KIFAP3: variants seen among roughly 807,000 people sequenced by gnomAD.
KIFAP3 encodes the protein kinesin-associated protein 3.
In KIFAP3, 68 loss-of-function variants were observed where a neutral mutation model predicts 106.5. The ratio of observed to expected loss-of-function variants is 0.64; its 90% CI spans 0.53 to 0.78. The LOEUF (loss-of-function observed/expected upper bound fraction) is 0.78, where lower values mean the gene tolerates loss of function less well. Among genes scored for constraint, KIFAP3 ranks in the 30% least tolerant of loss-of-function variants. KIFAP3 has a pLI of 0.00. For synonymous variants in KIFAP3, 320 were observed against 311.5 expected, an observed-to-expected ratio of 1.03 and a Z score of -0.29; for missense variants, 780 against 941.8, an observed-to-expected ratio of 0.83 and a Z score of 2.25.
intron 19 of KIFAP3, among the ~76,000 whole-genome samples, chr1:169,947,759 T>C (rs1664515526): frequency 6.6e-6 from 1 of 151,782 alleles, no homozygotes. Context: ...TTTTATGCTA[T>C]CAAAACATCA....
chr1:170,006,864 T>A (rs114600184), intron 10 of KIFAP3, among the ~76,000 whole-genome samples: 1 of 152,118 alleles, frequency 6.6e-6, no homozygotes, highest in African/African-American at 2.4e-5. Context: ...GACATCCGTA[T>A]AGGCAGAGTA....
chr1:169,999,984 T>A (rs922460766), intron 10 of KIFAP3, among the ~76,000 whole-genome samples: 15 of 152,092 alleles, frequency 9.9e-5, no homozygotes, highest in Admixed American at 9.8e-4. Flanking sequence ...GCTCTCACAA[T>A]CGATTTTCTG....
chr1:169,960,902 T>C (rs1319607150), intron 18 of KIFAP3, 144 bp downstream of exon 18: 9 of 576,144 alleles, frequency 1.6e-5, no homozygotes, highest in South Asian at 3.1e-5. Flanking sequence ...GCTTATTATA[T>C]ATAGACGTTA....
intron 8 of KIFAP3, among the ~76,000 whole-genome samples, chr1:170,026,351 A>G (rs1669102421): frequency 6.6e-6 from 1 of 152,204 alleles, no homozygotes; most frequent in Admixed American, 6.5e-5. Context: ...CAACACCACA[A>G]AAAAATCTAA....
intron 18 of KIFAP3, among the ~76,000 whole-genome samples, chr1:169,957,162 T>C (rs930323674): frequency 2.6e-5 from 4 of 152,210 alleles, no homozygotes; most frequent in African/African-American, 7.2e-5. Context: ...TTATTTATTC[T>C]CCAAATAAAT....
intron 10 of KIFAP3, among the ~76,000 whole-genome samples, chr1:170,004,107 T>C (rs527678151): frequency 1.7e-4 from 26 of 152,258 alleles, no homozygotes; most frequent in Admixed American, 4.6e-4. Context: ...CCATTCACAA[T>C]TGCTTCAAAG....
intron 1 of KIFAP3, among the ~76,000 whole-genome samples, chr1:170,082,022 C>T (rs1672027258): frequency 6.6e-6 from 1 of 152,196 alleles, no homozygotes; most frequent in African/African-American, 2.4e-5. Flanking sequence ...TTTTGGAAGA[C>T]AGTTTTATAG....
intron 19 of KIFAP3, 90 bp from the exon 20 acceptor site, chr1:169,921,871 A>T (rs45601233): frequency 0.011 from 10,513 of 917,488 alleles, 430 homozygotes; most frequent in African/African-American, 0.11. Context: ...TACCACCAAG[A>T]TTCTCTTCCT....
At chr1:169,973,105 G>GTATATATATATATATATATATATATATA (rs1553278126) in intron 16 of KIFAP3, among the ~76,000 whole-genome samples, 6 of 90,310 alleles carry the variant, frequency 6.6e-5, no homozygotes, top group African/African-American at 9.1e-5. Flanking sequence ...AAAATAGTGT[G>GTATATATATATATATATATATATATATA]TATATATATA....
intron 11 of KIFAP3, among the ~76,000 whole-genome samples, chr1:169,988,267 C>G (rs1018846480): frequency 2.0e-5 from 3 of 151,908 alleles, no homozygotes; most frequent in Non-Finnish European, 4.4e-5. Context: ...ATAAATGGGT[C>G]AAAATGGTGA....
chr1:170,056,862 A>C (rs959495815), intron 1 of KIFAP3, among the ~76,000 whole-genome samples: 1 of 152,138 alleles, frequency 6.6e-6, no homozygotes, highest in Non-Finnish European at 1.5e-5. Context: ...GGACAAGTAA[A>C]GAATGAAAAC....
At chr1:169,955,710 A>G (rs1664978302) in intron 18 of KIFAP3, among the ~76,000 whole-genome samples, 1 of 152,158 alleles carries the variant, frequency 6.6e-6, no homozygotes, top group Non-Finnish European at 1.5e-5. Context: ...TTAATTGTCA[A>G]ATTGTTAATG....
chr1:169,922,306 A>G, intron 19 of KIFAP3, among the ~76,000 whole-genome samples: 1 of 152,242 alleles, frequency 6.6e-6, no homozygotes, highest in East Asian at 1.9e-4. Flanking sequence ...TTAAAAGAAC[A>G]AGATAAGGAA....
intron 17 of KIFAP3, among the ~76,000 whole-genome samples, chr1:169,968,339 T>A (rs182850739): frequency 1.3e-5 from 2 of 152,004 alleles, no homozygotes; most frequent in East Asian, 3.9e-4. Flanking sequence ...GGAAAACTCT[T>A]TGTCACTGGC....
chr1:169,970,539 TAA>T (rs1665867617), intron 17 of KIFAP3, among the ~76,000 whole-genome samples: 1 of 152,102 alleles, frequency 6.6e-6, no homozygotes, highest in East Asian at 1.9e-4. Flanking sequence ...CAGTGGAAGA[TAA>T]GTTTGTTTTC....
chr1:170,046,471 G>A (rs1461137970), intron 3 of KIFAP3, among the ~76,000 whole-genome samples: 1 of 151,932 alleles, frequency 6.6e-6, no homozygotes, highest in Non-Finnish European at 1.5e-5. Flanking sequence ...CAGTGTATGT[G>A]TACACACACA....
At chr1:170,012,908 T>C (rs1465617891) in intron 10 of KIFAP3, among the ~76,000 whole-genome samples, 1 of 152,050 alleles carries the variant, frequency 6.6e-6, no homozygotes, top group Non-Finnish European at 1.5e-5. Flanking sequence ...TTCACTACCA[T>C]GAGAACACTA....
At chr1:170,010,789 TG>T in intron 10 of KIFAP3, among the ~76,000 whole-genome samples, 1 of 152,128 alleles carries the variant, frequency 6.6e-6, no homozygotes, top group African/African-American at 2.4e-5. Context: ...TTTTCTGTTG[TG>T]GGGGTCCCCA....
intron 11 of KIFAP3, among the ~76,000 whole-genome samples, chr1:169,989,567 C>T (rs1389811505): frequency 6.6e-6 from 1 of 151,984 alleles, no homozygotes; most frequent in African/African-American, 2.4e-5. Flanking sequence ...CTTGGCTACT[C>T]TTTTATTGAA....
Sources: gnomAD v4.1 joint callset for allele counts (sites outside exome capture counted in the v4.1 genomes callset) on GRCh38, gnomAD v4.1.1 for gene constraint, MANE v1.5 for transcripts, NCBI Gene and HGNC (gene_info 2026-07-23, HGNC 2026-07-21) for gene names.